Variants in SYNE1 observed in about 807,000 individuals in gnomAD.
SYNE1 encodes nesprin-1.
In SYNE1, 616 loss-of-function variants were observed where a neutral mutation model predicts 1,111.0. The ratio of observed to expected loss-of-function variants is 0.55; its 90% CI spans 0.52 to 0.59. The LOEUF (loss-of-function observed/expected upper bound fraction) is 0.59, where lower values mean the gene tolerates loss of function less well. SYNE1 is among the 20% of genes least tolerant of loss of function. The pLI is 0.00. For synonymous variants in SYNE1, 3,855 were observed against 3,825.8 expected (o/e 1.01, Z -0.28); for missense variants, 10,006 against 10,417.0 (o/e 0.96, Z 1.72).
intron 3 of SYNE1, among the ~76,000 whole-genome samples, chr6:152,580,782 G>A (rs1448365938): frequency 2.6e-5 from 4 of 152,144 alleles, no homozygotes. Context: ...GTGGAGCAGA[G>A]ATAAGCCATT....
chr6:152,402,090 G>C (rs574332811), intron 46 of SYNE1, among the ~76,000 whole-genome samples: 1 of 152,248 alleles, frequency 6.6e-6, no homozygotes, highest in South Asian at 2.1e-4. Flanking sequence ...CTGCCACCCT[G>C]TGTAAGGCTT....
intron 137 of SYNE1, chr6:152,147,825 C>T (rs764187985): frequency 1.3e-4 from 74 of 550,062 alleles, no homozygotes; most frequent in Middle Eastern, 5.0e-4. Context: ...CCTGGCAAAG[C>T]GCTTGTCACC....
intron 121 of SYNE1, 112 bp from the exon 122 acceptor site, chr6:152,215,172 G>A: frequency 8.1e-7 from 1 of 1,238,454 alleles, no homozygotes; most frequent in Non-Finnish European, 1.2e-6. Context: ...TCGGTCTAGT[G>A]GCCTCTGCAT....
At chr6:152,574,651 G>T (rs151246189) in intron 3 of SYNE1, among the ~76,000 whole-genome samples, 1 of 152,156 alleles carries the variant, frequency 6.6e-6, no homozygotes, top group Non-Finnish European at 1.5e-5. Context: ...TACCGTAGTT[G>T]TTTCTCAACC....
intron 126 of SYNE1, among the ~76,000 whole-genome samples, chr6:152,205,613 G>A (rs1404506631): frequency 6.6e-6 from 1 of 152,148 alleles, no homozygotes; most frequent in African/African-American, 2.4e-5. Flanking sequence ...AGCATATTGT[G>A]GGAGGTCCGG....
In SYNE1 at chr6:152,220,967, C is replaced by A; in HGVS notation, c.21736G>T (p.Asp7246Tyr). The A allele has an allele frequency of 6.2e-7, 1 of 1,614,110 alleles. No homozygotes were observed. The highest frequency in any genetic ancestry group is 8.5e-7 in the Non-Finnish European group (1 of 1,179,994). The part of the protein sequence containing the change: ...ALLQLWQRYK[D>Y]YSKQCASTVQ... ...GTCGAAGCACACTGTTTGGAGTAGT[C>A]CTTGTATCTTTGCCAAAGCTGAAGT... The change falls in exon 119 of 146, where the codon GAC (aspartate) becomes TAC (tyrosine). Residue 7246 changes from aspartate (D) to tyrosine (Y), a missense_variant. By Grantham distance (160) the Asp-to-Tyr change is radical (BLOSUM62 -3). Coordinates refer to ENST00000367255, the MANE Select transcript of SYNE1 (RefSeq NM_182961.4).
At chr6:152,367,068 G>A (rs542235320) in intron 62 of SYNE1, 150 bp downstream of exon 62, 3 of 944,850 alleles carry the variant, frequency 3.2e-6, no homozygotes, top group East Asian at 2.4e-5. Flanking sequence ...TCTGGCATGT[G>A]CACCCAAGGC....
chr6:152,180,061 C>G, intron 129 of SYNE1, 75 bp downstream of exon 129: 5 of 1,509,364 alleles, frequency 3.3e-6, no homozygotes, highest in Non-Finnish European at 4.6e-6. Flanking sequence ...GTGAGTAAAG[C>G]CACCTTCTGT....
chr6:152,195,512 T>TG lies in SYNE1; in HGVS notation c.23146-6106dup, dbSNP rs2073876803. ...AGTCACTGCAGTCAAATCTGCATCA[T>TG]GGGGCACCCCAAGCCCACTAAAACT... On this transcript the variant is annotated intron_variant, in intron 127 of 145. Coordinates refer to ENST00000367255, the MANE Select transcript of SYNE1 (RefSeq NM_182961.4). Among the ~76,000 whole-genome samples the TG allele has an allele frequency of 2.6e-5, 4 of 152,172 alleles. No individual in the cohort carries two copies. In the South Asian group the frequency reaches 8.3e-4, roughly 31 times the overall value.
intron 127 of SYNE1, among the ~76,000 whole-genome samples, chr6:152,195,462 C>A (rs74968023): frequency 0.088 from 13,457 of 152,136 alleles, 716 homozygotes; most frequent in African/African-American, 0.15. Context: ...TTTGAAGGGA[C>A]CTGGGAGTTG....
rs1204893722 is a variant in SYNE1 at position 152,121,783 on chromosome 6, A to G, written c.*653T>C. ...ACATAAATATCTTTTTTTTTTTACTATAACATTCAACTTTTTTCACATAAA... is the reference window on the plus strand; with the variant it reads ...ACATAAATATCTTTTTTTTTTTACTGTAACATTCAACTTTTTTCACATAAA... On this transcript the variant is annotated 3_prime_UTR_variant, in exon 146 of 146. Coordinates refer to ENST00000367255, the MANE Select transcript of SYNE1 (RefSeq NM_182961.4). 6.6e-6 allele frequency: 1 copy of G among 152,388 alleles called. No homozygotes were observed. The highest frequency in any genetic ancestry group is 1.5e-5 in the Non-Finnish European group (1 of 68,162). The allele number at this position is 152,388 out of a possible 1,614,324, so 9.4% of individuals were successfully genotyped here.
chr6:152,314,750 A>G (rs183879082), intron 87 of SYNE1, among the ~76,000 whole-genome samples: 1 of 151,976 alleles, frequency 6.6e-6, no homozygotes, highest in East Asian at 2.0e-4. Flanking sequence ...CAGGAGTTTG[A>G]GACCAGTCTG....
chr6:152,209,631 T>G (rs2077155372), intron 124 of SYNE1, among the ~76,000 whole-genome samples: 1 of 151,942 alleles, frequency 6.6e-6, no homozygotes, highest in Non-Finnish European at 1.5e-5. Flanking sequence ...GTGCCTGTAT[T>G]CCCAGCTACT....
intron 30 of SYNE1, 131 bp downstream of exon 30, chr6:152,444,280 C>T: frequency 1.0e-6 from 1 of 953,844 alleles, no homozygotes; most frequent in Non-Finnish European, 1.6e-6. Context: ...ATTCTTTTAG[C>T]CATTCAACTC....
intron 42 of SYNE1, 81 bp from the exon 43 acceptor site, chr6:152,409,790 T>TAGTA (rs879810562): frequency 0.019 from 28,501 of 1,461,782 alleles, 356 homozygotes; most frequent in Middle Eastern, 0.03. Context: ...ACTTGATGTT[T>TAGTA]CACTACGTAA....
chr6:152,369,413 C>T, intron 60 of SYNE1, 58 bp downstream of exon 60: 3 of 1,612,456 alleles, frequency 1.9e-6, no homozygotes, highest in Non-Finnish European at 2.5e-6. Flanking sequence ...TCTGTAAGGT[C>T]GACAGAGGAC....
chr6:152,277,802 C>T, intron 98 of SYNE1: 1 of 476,886 alleles, frequency 2.1e-6, no homozygotes, highest in South Asian at 2.0e-5. Context: ...CTTTACTTTC[C>T]CTCTCCAGTT....
intron 16 of SYNE1, among the ~76,000 whole-genome samples, chr6:152,469,472 C>T (rs1156560630): frequency 6.6e-6 from 1 of 152,026 alleles, no homozygotes; most frequent in Non-Finnish European, 1.5e-5. Flanking sequence ...TCATCAGTTC[C>T]CCACCACTAC....
intron 3 of SYNE1, among the ~76,000 whole-genome samples, chr6:152,626,190 T>C (rs549017116): frequency 2.2e-4 from 34 of 152,360 alleles, no homozygotes; most frequent in African/African-American, 7.9e-4. Flanking sequence ...CTCAAACTAA[T>C]ATCAGAATGA....
Sources: gnomAD v4.1 joint callset for allele counts (sites outside exome capture counted in the v4.1 genomes callset) on GRCh38, gnomAD v4.1.1 for gene constraint, MANE v1.5 for transcripts, NCBI Gene and HGNC (gene_info 2026-07-23, HGNC 2026-07-21) for gene names.